The following CSMD2 variants were observed in gnomAD, a reference collection of about 807,000 sequenced individuals.
CSMD2 encodes the protein CUB and Sushi multiple domains 2.
A neutral mutation model predicts 398.5 loss-of-function variants in CSMD2; 130 were observed. That is an observed-to-expected ratio of 0.33 (90% CI 0.28 to 0.38). CSMD2 has a LOEUF of 0.38. Among genes scored for constraint, CSMD2 ranks in the 10% least tolerant of loss-of-function variants. CSMD2 has a pLI of 1.00. For synonymous variants in CSMD2, 1,828 were observed against 1,908.5 expected, an observed-to-expected ratio of 0.96 and a Z score of 1.10; for missense variants, 3,829 against 4,764.9, an observed-to-expected ratio of 0.80 and a Z score of 5.78.
intron 6 of CSMD2, among the ~76,000 whole-genome samples, chr1:33,832,559 A>G (rs1659713231): frequency 1.3e-5 from 2 of 150,510 alleles, no homozygotes; most frequent in South Asian, 4.4e-4. Context: ...GAAAGATCCA[A>G]AATTGACACC....
intron 3 of CSMD2, among the ~76,000 whole-genome samples, chr1:33,986,426 T>C (rs376183251): frequency 1.1e-4 from 17 of 152,230 alleles, no homozygotes; most frequent in African/African-American, 3.9e-4. Flanking sequence ...AAGGGATGTA[T>C]CCTTGCCATG....
At chr1:33,759,558 C>T (rs1378618720) in intron 13 of CSMD2, among the ~76,000 whole-genome samples, 1 of 151,976 alleles carries the variant, frequency 6.6e-6, no homozygotes, top group Non-Finnish European at 1.5e-5. Flanking sequence ...ATCTCCTGAC[C>T]TCGTGATCTG....
chr1:33,517,885 T>TGAG (rs1653902606), intron 70 of CSMD2, among the ~76,000 whole-genome samples: 1 of 152,248 alleles, frequency 6.6e-6, no homozygotes, highest in South Asian at 2.1e-4. Context: ...TTTGCTGCTC[T>TGAG]TGTAACCCCC....
At chr1:33,968,822 TTATAACTGTGATTAAC>T (rs1324742156) in intron 3 of CSMD2, among the ~76,000 whole-genome samples, 1 of 152,242 alleles carries the variant, frequency 6.6e-6, no homozygotes, top group Non-Finnish European at 1.5e-5. Flanking sequence ...GGTGACAATT[TTATAACTGTGATTAAC>T]TATAACTGTG....
intron 10 of CSMD2, among the ~76,000 whole-genome samples, chr1:33,795,236 C>T (rs1054939134): frequency 2.6e-5 from 4 of 152,094 alleles, no homozygotes; most frequent in East Asian, 1.9e-4. Context: ...GTGTTTGGAG[C>T]GAGTTATTAA....
chr1:33,676,107 T>A (rs917524110), intron 25 of CSMD2, among the ~76,000 whole-genome samples: 46 of 152,184 alleles, frequency 3.0e-4, no homozygotes, highest in Non-Finnish European at 2.2e-4. Context: ...AGTTCTGGCC[T>A]GGGCAATCAG....
intron 12 of CSMD2, among the ~76,000 whole-genome samples, chr1:33,782,904 G>T (rs771886306): frequency 6.6e-6 from 1 of 152,044 alleles, no homozygotes; most frequent in East Asian, 1.9e-4. Flanking sequence ...GGGGGGAATT[G>T]TGCCAGATTT....
chr1:34,109,972 C>T (rs1434615981), intron 1 of CSMD2, among the ~76,000 whole-genome samples: 4 of 126,806 alleles, frequency 3.2e-5, no homozygotes, highest in Non-Finnish European at 4.7e-5. Context: ...ACCCAGGAGG[C>T]GGAGGTTGCA....
chr1:33,819,088 C>G (rs1657802672), intron 9 of CSMD2, among the ~76,000 whole-genome samples: 1 of 152,202 alleles, frequency 6.6e-6, no homozygotes, highest in South Asian at 2.1e-4. Flanking sequence ...ACCACAGAAG[C>G]AGCTGTAGCC....
chr1:33,944,092 C>T (rs1644764738), intron 3 of CSMD2, among the ~76,000 whole-genome samples: 1 of 152,070 alleles, frequency 6.6e-6, no homozygotes, highest in Non-Finnish European at 1.5e-5. Context: ...GTGAAAGCAG[C>T]CACAGGCAAT....
At chr1:34,128,891 G>A (rs1291738798) in intron 1 of CSMD2, among the ~76,000 whole-genome samples, 4 of 152,136 alleles carry the variant, frequency 2.6e-5, no homozygotes, top group Non-Finnish European at 5.9e-5. Flanking sequence ...TGGAACCCAG[G>A]CTAAGCAAGA....
intron 10 of CSMD2, among the ~76,000 whole-genome samples, chr1:33,800,710 G>A (rs910050324): frequency 2.6e-5 from 4 of 152,188 alleles, no homozygotes; most frequent in Admixed American, 1.3e-4. Flanking sequence ...AAGCGGGCAG[G>A]GTTTGTCTTC....
At position 33,602,438 on chromosome 1, in the gene CSMD2, A is replaced by G. The variant is rs766482245; in HGVS notation, c.6641T>C (p.Ile2214Thr). Residue 2214 changes from isoleucine (I) to threonine (T), a missense_variant, in exon 43 of 71, where the codon ATT (isoleucine) becomes ACT (threonine). Around this residue, in one of 5 missense-constraint regions of CSMD2, gnomAD observed 723 missense variants for 758.6 expected, o/e 0.95. Transcript: ENST00000373381. ...GAGGTTGAGGCGGACGCCATGGCCA[A>G]TGGGCACGGTGATCAGCCAGACACA... The part of the protein sequence containing the change: ...QDCVWLITVP[I>T]GHGVRLNLSL... 1.4e-5 allele frequency: 22 copies of G among 1,613,858 alleles called. No individual in the cohort carries two copies. The highest frequency in any genetic ancestry group is 8.3e-5 in the Admixed American group (5 of 59,984).
At chr1:33,884,807 T>G (rs1374529860) in intron 5 of CSMD2, 1 of 152,264 alleles carries the variant, frequency 6.6e-6, no homozygotes, top group African/African-American at 2.4e-5. Flanking sequence ...ATTTTCCATA[T>G]CCTTCAGGTA....
chr1:33,624,750 T>C lies in CSMD2; in HGVS notation c.5501-107A>G. ...CAGCCTCTGTTTGTCCTCCTCCCCA[T>C]GGGGGTGTCTCCCTAATGTCCCCAG... is the stretch of plus-strand genomic sequence containing the variant. On this transcript the variant is annotated intron_variant, in intron 34 of 70. Transcript: ENST00000373381. This position sits in a 1 kb window ranked among gnomAD's most constrained non-coding sequence, Gnocchi z 4.7. 7.0e-7 allele frequency: 1 copy of C among 1,419,730 alleles called. No homozygotes were observed. Among genetic ancestry groups the C allele is most frequent in the East Asian group, 2.4e-5 (1 of 41,616 alleles). The allele number at this position is 1,419,730 out of a possible 1,614,324, so 87.9% of individuals were successfully genotyped here.
At chr1:33,783,431 TTCTCTCTCTCTCTCTCTCTC>T (rs55769634) in intron 12 of CSMD2, among the ~76,000 whole-genome samples, 143 of 135,250 alleles carry the variant, frequency 1.1e-3, no homozygotes, top group Middle Eastern at 7.1e-3. Context: ...CATTCTCTCA[TTCTCTCTCTCTCTCTCTCTC>T]TCTCTCTCTC....
chr1:33,941,837 T>A (rs994249122), intron 3 of CSMD2, among the ~76,000 whole-genome samples: 7 of 151,864 alleles, frequency 4.6e-5, no homozygotes, highest in Non-Finnish European at 2.9e-5. Context: ...TATTTTATTA[T>A]ACATGAGATA....
At chr1:33,987,918 C>T (rs893897988) in intron 3 of CSMD2, among the ~76,000 whole-genome samples, 4 of 152,202 alleles carry the variant, frequency 2.6e-5, no homozygotes, top group African/African-American at 9.7e-5. Context: ...CATATCTCAC[C>T]CGACCTATTG....
At chr1:33,914,233 A>G (rs1375618906) in intron 5 of CSMD2, among the ~76,000 whole-genome samples, 1 of 152,116 alleles carries the variant, frequency 6.6e-6, no homozygotes, top group Non-Finnish European at 1.5e-5. Context: ...TCAGTGAGAG[A>G]AAGTCTGGCT....
Sources: allele counts gnomAD v4.1 joint callset (sites outside exome capture counted in the v4.1 genomes callset), GRCh38; gene constraint gnomAD v4.1.1; regional missense constraint gnomAD v4.1.1; non-coding constraint Gnocchi (gnomAD v3.1); transcripts MANE v1.5; gene names NCBI Gene and HGNC (gene_info 2026-07-23, HGNC 2026-07-21).